Variants in LCOR observed in about 807,000 individuals in gnomAD.
LCOR encodes ligand-dependent corepressor.
A neutral mutation model predicts 64.4 loss-of-function variants in LCOR; 14 were observed. That is an observed-to-expected ratio of 0.22 (90% CI 0.14 to 0.34). LCOR has a LOEUF of 0.34. Ranked by LOEUF, LCOR falls within the 10% of genes least tolerant of loss-of-function variation. The probability of loss-of-function intolerance (pLI) is 1.00; values close to 1 mark genes in which losing one functional copy is unlikely to be tolerated. For missense variants in LCOR, 1,686 were observed against 1,765.3 expected (o/e 0.96, Z 0.80); for synonymous variants, 643 against 642.5 (o/e 1.00, Z -0.01).
At chr10:96,873,720 A>G (rs1167438555) in intron 2 of LCOR, among the ~76,000 whole-genome samples, 1 of 151,404 alleles carries the variant, frequency 6.6e-6, no homozygotes, top group African/African-American at 2.4e-5. Flanking sequence ...CTCCTGCCTC[A>G]GCCTCCTGAG....
At chr10:96,841,806 C>T (rs1024240971) in intron 2 of LCOR, among the ~76,000 whole-genome samples, 4 of 151,134 alleles carry the variant, frequency 2.6e-5, no homozygotes, top group Non-Finnish European at 5.9e-5. Context: ...CATTATGCTG[C>T]CCAGGCTGGT....
At chr10:96,912,353 T>TAATGTACATGTGGTTA (rs1256810759) in intron 4 of LCOR, among the ~76,000 whole-genome samples, 1 of 152,246 alleles carries the variant, frequency 6.6e-6, no homozygotes, top group Non-Finnish European at 1.5e-5. Context: ...GTTAGCATGT[T>TAATGTACATGTGGTTA]ATGTAACCAC....
chr10:96,866,971 A>G (rs1259236435), intron 2 of LCOR, among the ~76,000 whole-genome samples: 1 of 151,626 alleles, frequency 6.6e-6, no homozygotes, highest in East Asian at 2.0e-4. Context: ...GATTTTTCGT[A>G]TTTGTCAGTC....
At chr10:96,875,282 G>A (rs551782618) in intron 2 of LCOR, among the ~76,000 whole-genome samples, 1 of 152,114 alleles carries the variant, frequency 6.6e-6, no homozygotes, top group African/African-American at 2.4e-5. Context: ...TACTCGTGAG[G>A]CTGAGGCAGG....
intron 2 of LCOR, 149 bp from the exon 3 acceptor site, chr10:96,907,115 AT>A (rs1423355136): frequency 1.9e-5 from 3 of 160,902 alleles, no homozygotes; most frequent in African/African-American, 4.8e-5. Flanking sequence ...TAGATTTGTC[AT>A]TGACACTCTT....
Position 96,891,038 on chromosome 10 carries a change from GA to G in LCOR, c.-329-16226del, listed in dbSNP as rs1589635286. Among the ~76,000 whole-genome samples the G allele has an allele frequency of 2.6e-5, 4 of 152,102 alleles. No individual in the cohort carries two copies. In the East Asian group the frequency reaches 7.7e-4, roughly 29 times the overall value. ...TGTCTTTGCTATCAGGGTAATACTA[GA>G]TTTATGGGATGAGTTTGGAAGTATT... On this transcript the variant is annotated intron_variant, in intron 2 of 7. Transcript: ENST00000421806.
chr10:96,846,915 T>G (rs1347457532), intron 2 of LCOR, among the ~76,000 whole-genome samples: 1 of 152,140 alleles, frequency 6.6e-6, no homozygotes, highest in Non-Finnish European at 1.5e-5. Context: ...TACATTTTAT[T>G]GGTGAAAGGT....
rs906959040 is a variant in LCOR, at chr10:96,985,240, G to T, written c.*106G>T. 6.0e-6 allele frequency: 8 copies of T among 1,344,060 alleles called. No homozygotes were observed. Among genetic ancestry groups the T allele is most frequent in the Non-Finnish European group, 6.9e-6 (7 of 1,020,958 alleles). The allele number at this position is 1,344,060 out of a possible 1,614,324, so 83.3% of individuals were successfully genotyped here. On this transcript the variant is annotated 3_prime_UTR_variant, in exon 8 of 8. Transcript: ENST00000421806. ...GCTTATCAAGCCTTTCAAATTTACAGTTAATGGAGAACACCGTAATTTGAG... is the reference window on the plus strand; with the variant it reads ...GCTTATCAAGCCTTTCAAATTTACATTTAATGGAGAACACCGTAATTTGAG...
At chr10:96,935,391 A>G (rs1027278212) in intron 4 of LCOR, among the ~76,000 whole-genome samples, 2 of 151,874 alleles carry the variant, frequency 1.3e-5, no homozygotes, top group East Asian at 1.9e-4. Context: ...TCAGGTGATC[A>G]GCCTGCCTTG....
chr10:96,833,887 T>A (rs1376006337), intron 2 of LCOR, among the ~76,000 whole-genome samples: 1 of 151,834 alleles, frequency 6.6e-6, no homozygotes. Context: ...AGACACTGAT[T>A]TAATAGACAT....
intron 7 of LCOR, chr10:96,963,629 T>A (rs1825165288): frequency 6.6e-6 from 1 of 152,172 alleles, no homozygotes; most frequent in African/African-American, 2.4e-5. Context: ...CAGCAGACAG[T>A]TTTGTCCGTG....
At chr10:96,956,993 G>A in intron 7 of LCOR, 1 of 985,244 alleles carries the variant, frequency 1.0e-6, no homozygotes, top group South Asian at 4.7e-5. Context: ...AGTCTGCCCA[G>A]TGTCCACATT....
chr10:96,895,265 C>T (rs1450128334), intron 2 of LCOR, among the ~76,000 whole-genome samples: 1 of 152,194 alleles, frequency 6.6e-6, no homozygotes, highest in Non-Finnish European at 1.5e-5. Context: ...CTCCAGTCTT[C>T]TCCATCCTAG....
chr10:96,960,374 T>C (rs1287837131), intron 7 of LCOR: 4 of 152,214 alleles, frequency 2.6e-5, no homozygotes, highest in Admixed American at 1.3e-4. Flanking sequence ...TTAACAGTTA[T>C]ATGAGAGATT....
chr10:96,940,359 G>A (rs1443644944), intron 4 of LCOR, among the ~76,000 whole-genome samples: 1 of 98,336 alleles, frequency 1.0e-5, no homozygotes. Flanking sequence ...GGTGTTTCTC[G>A]CAGAGGGGGA....
chr10:96,897,631 A>G (rs532971760), intron 2 of LCOR, among the ~76,000 whole-genome samples: 1 of 152,156 alleles, frequency 6.6e-6, no homozygotes, highest in East Asian at 1.9e-4. Flanking sequence ...TGTTCTAACT[A>G]CTCAGTATAT....
intron 2 of LCOR, among the ~76,000 whole-genome samples, chr10:96,837,944 T>C (rs186603466): frequency 1.6e-4 from 25 of 152,364 alleles, no homozygotes; most frequent in Admixed American, 1.4e-3. Flanking sequence ...ATTGGATAGA[T>C]GCAAATAAGC....
At chr10:96,939,836 G>T (rs1018358126) in intron 4 of LCOR, among the ~76,000 whole-genome samples, 1 of 152,156 alleles carries the variant, frequency 6.6e-6, no homozygotes, top group East Asian at 1.9e-4. Flanking sequence ...GATGGCACGC[G>T]CCTGTAGTCT....
chr10:96,920,751 T>TACAC (rs55839435), intron 4 of LCOR, among the ~76,000 whole-genome samples: 16,528 of 118,568 alleles, frequency 0.14, 1,422 homozygotes, highest in Non-Finnish European at 0.18. Context: ...TATATATGTA[T>TACAC]ACACACACAC....
Sources: gnomAD v4.1 joint callset for allele counts (sites outside exome capture counted in the v4.1 genomes callset) on GRCh38, gnomAD v4.1.1 for gene constraint, MANE v1.5 for transcripts, NCBI Gene and HGNC (gene_info 2026-07-23, HGNC 2026-07-21) for gene names.